Variants in THADA observed in about 807,000 individuals in gnomAD.
The protein encoded by THADA is tRNA (32-2'-O)-methyltransferase regulator THADA.
A neutral mutation model predicts 219.8 loss-of-function variants in THADA; 213 were observed. The observed-to-expected ratio is 0.97, with a 90% CI of 0.87 to 1.09. The LOEUF (loss-of-function observed/expected upper bound fraction) is 1.09. THADA is among the 50% of genes least tolerant of loss of function. THADA has a pLI of 0.00. For missense variants in THADA, 2,956 were observed against 2,311.3 expected (o/e 1.28, Z -5.72); for synonymous variants, 1,018 against 828.9 (o/e 1.23, Z -3.92).
chr2:43,247,091 G>C (rs1669232620), intron 36 of THADA, among the ~76,000 whole-genome samples: 1 of 152,166 alleles, frequency 6.6e-6, no homozygotes, highest in South Asian at 2.1e-4. Flanking sequence ...AGGGTTTCGA[G>C]ACTCCAGGGG....
chr2:43,434,319 G>A (rs191074502), intron 26 of THADA, among the ~76,000 whole-genome samples: 1 of 152,362 alleles, frequency 6.6e-6, no homozygotes, highest in Admixed American at 6.5e-5. Context: ...GAAGAGGGCA[G>A]GGAAGTGCTG....
At chr2:43,353,575 A>G (rs1186522485) in intron 29 of THADA, among the ~76,000 whole-genome samples, 1 of 152,256 alleles carries the variant, frequency 6.6e-6, no homozygotes, top group Non-Finnish European at 1.5e-5. Context: ...AGTTACTCAT[A>G]AATCTTAGAT....
chr2:43,570,136 A>G (rs1239045469), intron 14 of THADA, among the ~76,000 whole-genome samples: 2 of 152,194 alleles, frequency 1.3e-5, no homozygotes, highest in East Asian at 1.9e-4. Flanking sequence ...TCTCGCCCAC[A>G]TAAGCTGAAA....
intron 29 of THADA, among the ~76,000 whole-genome samples, chr2:43,365,378 G>A (rs1054581450): frequency 1.1e-4 from 17 of 151,774 alleles, no homozygotes; most frequent in Admixed American, 2.0e-4. Flanking sequence ...TGAGACCAGC[G>A]TGGCCAATAG....
rs146425458 is a variant in THADA at position 43,360,179 on chromosome 2, T to C, written c.4228-15942A>G. On this transcript the variant is annotated intron_variant, in intron 29 of 37. Coordinates refer to ENST00000405975, the MANE Select transcript of THADA (RefSeq NM_022065.5). ...GCAATCATTCCATCCTCTCATGCCA[T>C]AGCACTTATCTGAACCACTCATTTG... Among the ~76,000 whole-genome samples, 624 of 152,350 alleles carry C rather than the reference T, an allele frequency of 4.1e-3. 7 individuals carry two copies. The highest frequency in any genetic ancestry group is 0.014 in the African/African-American group (577 of 41,582).
chr2:43,448,039 T>A (rs1482120930), intron 26 of THADA, among the ~76,000 whole-genome samples: 1 of 152,180 alleles, frequency 6.6e-6, no homozygotes, highest in East Asian at 1.9e-4. Context: ...TTTTTCCAAA[T>A]CTTTAAAGCA....
At chr2:43,465,743 C>T (rs1393161688) in intron 26 of THADA, among the ~76,000 whole-genome samples, 2 of 152,154 alleles carry the variant, frequency 1.3e-5, no homozygotes, top group Non-Finnish European at 2.9e-5. Flanking sequence ...ACGGATGACT[C>T]CTTCATCTGA....
At chr2:43,460,240 A>T (rs1459620431) in intron 26 of THADA, among the ~76,000 whole-genome samples, 9 of 20,498 alleles carry the variant, frequency 4.4e-4, no homozygotes, top group South Asian at 1.7e-3. Context: ...TCTCTTAATA[A>T]AAAAAAAAAA....
chr2:43,299,813 G>A (rs1676039918), intron 31 of THADA, among the ~76,000 whole-genome samples: 1 of 151,856 alleles, frequency 6.6e-6, no homozygotes, highest in East Asian at 1.9e-4. Context: ...GATCACCCAA[G>A]GTCAGGAGCT....
At chr2:43,572,592 T>C (rs1054860137) in intron 12 of THADA, among the ~76,000 whole-genome samples, 4 of 152,126 alleles carry the variant, frequency 2.6e-5, no homozygotes, top group Non-Finnish European at 4.4e-5. Flanking sequence ...GTTCTAAGAG[T>C]TTCCAGTTGT....
In THADA at chr2:43,331,918, T is replaced by TACACACACACACACAC. The variant is rs141276481; in HGVS notation, c.4344-11394_4344-11379dup. 3.9e-3 allele frequency among the ~76,000 whole-genome samples: 555 copies of TACACACACACACACAC among 142,816 alleles called. 4 individuals are homozygous for TACACACACACACACAC. Among genetic ancestry groups the TACACACACACACACAC allele is most frequent in the South Asian group, 0.011 (50 of 4,468 alleles). 93.7% of individuals were successfully genotyped at this position (142,816 alleles called of 152,430 possible). On this transcript the variant is annotated intron_variant, in intron 30 of 37. Coordinates refer to ENST00000405975, the MANE Select transcript of THADA (RefSeq NM_022065.5). ...CAAAGACTCCATTATATATATCTAA[T>TACACACACACACACAC]ACACACACACACACACACACACACA... is the stretch of plus-strand genomic sequence containing the variant.
At chr2:43,503,850 C>T (rs1239303288) in intron 24 of THADA, among the ~76,000 whole-genome samples, 1 of 151,980 alleles carries the variant, frequency 6.6e-6, no homozygotes, top group African/African-American at 2.4e-5. Context: ...AATAATTATC[C>T]AGCACTCGTT....
chr2:43,259,493 C>A (rs1572810697), intron 36 of THADA, among the ~76,000 whole-genome samples: 1 of 152,296 alleles, frequency 6.6e-6, no homozygotes, highest in South Asian at 2.1e-4. Flanking sequence ...GCAGCAGAGG[C>A]CCTATAGGCA....
chr2:43,570,360 C>T (rs751759899), intron 14 of THADA, 28 bp downstream of exon 14: 1 of 1,564,038 alleles, frequency 6.4e-7, no homozygotes, highest in African/African-American at 1.4e-5. Context: ...TAAAAAAAAA[C>T]TCTCATGTTT....
intron 26 of THADA, among the ~76,000 whole-genome samples, chr2:43,441,955 T>TAA (rs1680893429): frequency 6.6e-6 from 1 of 152,028 alleles, no homozygotes; most frequent in East Asian, 1.9e-4. Flanking sequence ...ATACTAAGAG[T>TAA]AAAAGAGAGT....
chr2:43,590,611 C>G (rs1011719962), intron 4 of THADA, among the ~76,000 whole-genome samples: 2 of 145,594 alleles, frequency 1.4e-5, no homozygotes, highest in African/African-American at 5.1e-5. Flanking sequence ...CACCACTGCA[C>G]TCCAGCCTGG....
intron 26 of THADA, among the ~76,000 whole-genome samples, chr2:43,449,601 C>G (rs1334112633): frequency 6.6e-6 from 1 of 152,048 alleles, no homozygotes; most frequent in East Asian, 1.9e-4. Flanking sequence ...GACCCCATCT[C>G]TACAAAGAAT....
At chr2:43,308,716 G>C (rs1192764720) in intron 31 of THADA, among the ~76,000 whole-genome samples, 3 of 26,806 alleles carry the variant, frequency 1.1e-4, no homozygotes, top group Non-Finnish European at 2.2e-4. Flanking sequence ...AACGAAGAAA[G>C]AAACAAACAA....
intron 26 of THADA, among the ~76,000 whole-genome samples, chr2:43,454,640 C>T (rs1242938499): frequency 6.6e-6 from 1 of 150,588 alleles, no homozygotes; most frequent in Non-Finnish European, 1.5e-5. Flanking sequence ...CTAAATTACA[C>T]ATACATGGTT....
Sources: allele counts gnomAD v4.1 joint callset (sites outside exome capture counted in the v4.1 genomes callset), GRCh38; gene constraint gnomAD v4.1.1; transcripts MANE v1.5; gene names NCBI Gene and HGNC (gene_info 2026-07-23, HGNC 2026-07-21).